The following TRAM1 variants were observed in gnomAD, a reference collection of about 807,000 sequenced individuals.
TRAM1 encodes translocation associated membrane protein 1.
TRAM1 carries 17 observed loss-of-function variants against 48.7 expected under a neutral mutation model. The ratio of observed to expected loss-of-function variants is 0.35; its 90% CI spans 0.24 to 0.52. The LOEUF is 0.52. TRAM1 is among the 20% of genes least tolerant of loss of function. The pLI is 0.94. For synonymous variants in TRAM1, 182 were observed against 154.0 expected (o/e 1.18, Z -1.34); for missense variants, 351 against 441.5 (o/e 0.79, Z 1.84).
At chr8:70,576,118 A>G in intron 10 of TRAM1, among the ~76,000 whole-genome samples, 1 of 151,588 alleles carries the variant, frequency 6.6e-6, no homozygotes, top group Middle Eastern at 3.2e-3. Context: ...AAACCCCAAA[A>G]CAAAACAAAA....
At chr8:70,606,817 T>C in intron 1 of TRAM1, 1 of 857,332 alleles carries the variant, frequency 1.2e-6, no homozygotes, top group Non-Finnish European at 1.4e-6. Context: ...TAAAATATTA[T>C]TTAATTTTAA....
At chr8:70,594,895 G>A (rs550702224) in intron 5 of TRAM1, among the ~76,000 whole-genome samples, 2 of 152,270 alleles carry the variant, frequency 1.3e-5, no homozygotes, top group Admixed American at 6.5e-5. Flanking sequence ...TGACTAGTAT[G>A]TCATGTTAGC....
rs374859238 is a variant in TRAM1, at chr8:70,583,646, G to A, written c.890+4C>T. On this transcript the variant is annotated splice_donor_region_variant and intron_variant, in intron 9 of 10. Coordinates refer to ENST00000262213, the MANE Select transcript of TRAM1 (RefSeq NM_014294.6). ...AAGTGAAAAAAATGTTAAATTGATC[G>A]TACCTAACAGCTAACACATTGAAGT... is the stretch of plus-strand genomic sequence containing the variant. 7.5e-5 allele frequency: 120 copies of A among 1,606,704 alleles called. No homozygotes were observed. Among genetic ancestry groups the A allele is most frequent in the Non-Finnish European group, 9.3e-5 (109 of 1,178,252 alleles).
chr8:70,587,051 G>T (rs931974523), intron 7 of TRAM1, 52 bp from the exon 8 acceptor site: 1 of 1,611,096 alleles, frequency 6.2e-7, no homozygotes, highest in Middle Eastern at 1.7e-4. Context: ...ATTAAGACAG[G>T]TCAGCATACT....
intron 10 of TRAM1, among the ~76,000 whole-genome samples, chr8:70,577,453 C>T (rs1254087355): frequency 2.6e-5 from 4 of 152,180 alleles, no homozygotes; most frequent in African/African-American, 9.7e-5. Flanking sequence ...CCCCCTGAAG[C>T]TCATAAAAAT....
At chr8:70,599,549 T>C (rs367625799) in intron 2 of TRAM1, among the ~76,000 whole-genome samples, 5 of 152,298 alleles carry the variant, frequency 3.3e-5, no homozygotes, top group African/African-American at 1.2e-4. Context: ...TACTAACACA[T>C]TTTCTGGAAT....
chr8:70,573,855 C>T lies in TRAM1; in HGVS notation c.*1077G>A, dbSNP rs1374952942. 2 of 151,628 alleles carry T rather than the reference C, an allele frequency of 1.3e-5. No homozygotes were observed. The highest frequency in any genetic ancestry group is 4.9e-5 in the African/African-American group (2 of 41,172). 9.4% of individuals were successfully genotyped at this position (151,628 alleles called of 1,614,324 possible). ...TTTTTAGAGCCTTTCTGTAGAGATA[C>T]AAATATATATATATATATTTATCCA... On this transcript the variant is annotated 3_prime_UTR_variant, in exon 11 of 11. Coordinates refer to ENST00000262213, the MANE Select transcript of TRAM1 (RefSeq NM_014294.6).
chr8:70,603,303 T>TATACACACACACACACACACAC (rs1041808375), intron 1 of TRAM1, among the ~76,000 whole-genome samples: 4 of 149,978 alleles, frequency 2.7e-5, no homozygotes, highest in Non-Finnish European at 4.4e-5. Flanking sequence ...ATATGTTTTA[T>TATACACACACACACACACACAC]ACACACACAC....
intron 1 of TRAM1, chr8:70,607,813 A>C (rs1458536845): frequency 4.3e-5 from 12 of 277,754 alleles, no homozygotes; most frequent in South Asian, 1.5e-4. Flanking sequence ...GCGGCGGGTC[A>C]GGAAGGGGGC....
intron 1 of TRAM1, among the ~76,000 whole-genome samples, chr8:70,600,652 A>G (rs532695119): frequency 6.6e-6 from 1 of 152,342 alleles, no homozygotes; most frequent in South Asian, 2.1e-4. Flanking sequence ...ACAAAAAAGG[A>G]CGAGATGAAG....
At chr8:70,592,832 CTG>C (rs1336144009) in intron 6 of TRAM1, among the ~76,000 whole-genome samples, 4 of 152,230 alleles carry the variant, frequency 2.6e-5, no homozygotes, top group African/African-American at 9.6e-5. Context: ...CATATCTCCT[CTG>C]TTCAAAATGG....
intron 10 of TRAM1, among the ~76,000 whole-genome samples, chr8:70,577,544 C>A (rs1816984340): frequency 6.6e-6 from 1 of 152,226 alleles, no homozygotes; most frequent in South Asian, 2.1e-4. Context: ...AACTGTTCTG[C>A]CTCTCAATGA....
At chr8:70,587,877 G>C (rs564158535) in intron 6 of TRAM1, among the ~76,000 whole-genome samples, 1 of 151,926 alleles carries the variant, frequency 6.6e-6, no homozygotes, top group South Asian at 2.1e-4. Flanking sequence ...TTATCTAGTT[G>C]AGCTGGTTAT....
In TRAM1 at chr8:70,607,890, G is replaced by C; in HGVS notation, c.123+187C>G. On this transcript the variant is annotated intron_variant, in intron 1 of 10. Transcript: ENST00000262213. ...ACCGGGACTTTGCATCTCCGGGCCG[G>C]CCGCCGGGGAGCTGCCGCCGACGTG... 1.1e-5 allele frequency: 7 copies of C among 633,344 alleles called. No individual in the cohort carries two copies. The East Asian group carries it at 2.6e-4, about 23-fold the overall frequency. The allele number at this position is 633,344 out of a possible 1,614,324, so 39.2% of individuals were successfully genotyped here.
At chr8:70,596,122 G>T in intron 5 of TRAM1, 141 bp downstream of exon 5, 1 of 535,718 alleles carries the variant, frequency 1.9e-6, no homozygotes. Context: ...TTTTCTTACG[G>T]CAGTGGGACT....
At chr8:70,594,716 G>A in intron 5 of TRAM1, 126 bp from the exon 6 acceptor site, 2 of 665,480 alleles carry the variant, frequency 3.0e-6, no homozygotes, top group East Asian at 6.5e-5. Flanking sequence ...TACAATATCT[G>A]TGCACCTTTA....
intron 1 of TRAM1, chr8:70,607,191 C>T: frequency 1.0e-6 from 1 of 985,290 alleles, no homozygotes; most frequent in African/African-American, 1.7e-5. Context: ...ACTCGTTCAC[C>T]TTGCAAAGTT....
In TRAM1 at chr8:70,574,599, G is replaced by A. The variant is rs768381695; in HGVS notation, c.*333C>T. 1.2e-4 allele frequency: 26 copies of A among 217,676 alleles called. No homozygotes were observed. The highest frequency in any genetic ancestry group is 8.1e-5 in the Non-Finnish European group (9 of 111,100). 13.5% of individuals were successfully genotyped at this position (217,676 alleles called of 1,614,324 possible). On this transcript the variant is annotated 3_prime_UTR_variant, in exon 11 of 11. Transcript: ENST00000262213. ...CTGCTATTATAAAAAATTGGTGACA[G>A]CAAGAAATTGTATCACTGATATGTG... is the stretch of plus-strand genomic sequence containing the variant.
In TRAM1 at chr8:70,583,808, C is replaced by A. The variant is rs1367188969; in HGVS notation, c.747-15G>T. Reference sequence around the variant, plus strand: ...ACAGAGAAAATCTGCAAGAAAAAGGCCGTAAGTCAAATTCCTGAAATCTCA... The same window carrying A: ...ACAGAGAAAATCTGCAAGAAAAAGGACGTAAGTCAAATTCCTGAAATCTCA... On this transcript the variant is annotated splice_polypyrimidine_tract_variant and intron_variant, in intron 8 of 10. Transcript: ENST00000262213. The A allele has an allele frequency of 6.6e-7, 1 of 1,518,494 alleles. No homozygotes were observed. The highest frequency in any genetic ancestry group is 8.8e-7 in the Non-Finnish European group (1 of 1,138,824). 94.1% of individuals were successfully genotyped at this position (1,518,494 alleles called of 1,614,324 possible).
Sources: allele counts gnomAD v4.1 joint callset (sites outside exome capture counted in the v4.1 genomes callset), GRCh38; gene constraint gnomAD v4.1.1; transcripts MANE v1.5; gene names NCBI Gene and HGNC (gene_info 2026-07-23, HGNC 2026-07-21).